Variants in SHMT1 observed in about 807,000 individuals in gnomAD.
The protein encoded by SHMT1 is serine hydroxymethyltransferase 1, also known as serine hydroxymethyltransferase, cytosolic.
A neutral mutation model predicts 49.0 loss-of-function variants in SHMT1; 45 were observed. That is an observed-to-expected ratio of 0.92 (90% CI 0.72 to 1.18). The LOEUF (loss-of-function observed/expected upper bound fraction) is 1.18, where lower values mean the gene tolerates loss of function less well. SHMT1 is among the 50% of genes most tolerant of loss of function. The pLI, the probability that SHMT1 is intolerant of heterozygous loss-of-function variation, is 0.00. For missense variants in SHMT1, 541 were observed against 612.4 expected, an observed-to-expected ratio of 0.88 and a Z score of 1.23; for synonymous variants, 232 against 246.6, an observed-to-expected ratio of 0.94 and a Z score of 0.55.
chr17:18,340,923 A>C lies in SHMT1; in HGVS notation c.520-110T>G. ...ACCATGACAAGAGGAATGATGTCCT[A>C]GATGAGGACTTGAGGGTGAGACAGG... On this transcript the variant is annotated intron_variant, in intron 5 of 11. Coordinates refer to ENST00000316694, the MANE Select transcript of SHMT1 (RefSeq NM_004169.5). The surrounding 1 kb of genome is among the most constrained non-coding windows in gnomAD (Gnocchi z 4.5). The C allele has an allele frequency of 1.3e-6, 1 of 793,654 alleles. No homozygotes were observed. 49.2% of individuals were successfully genotyped at this position (793,654 alleles called of 1,614,324 possible).
intron 5 of SHMT1, among the ~76,000 whole-genome samples, chr17:18,346,997 T>C (rs1307383734): frequency 6.6e-6 from 1 of 152,218 alleles, no homozygotes; most frequent in African/African-American, 2.4e-5. Context: ...AGCCCTAACG[T>C]GGCCATGGAG....
intron 7 of SHMT1, among the ~76,000 whole-genome samples, chr17:18,337,099 G>T (rs982320891): frequency 6.6e-6 from 1 of 152,168 alleles, no homozygotes; most frequent in South Asian, 2.1e-4. Context: ...AGAGCTTCTA[G>T]TGAGCCAAGA....
chr17:18,348,797 A>G, intron 3 of SHMT1: 1 of 501,966 alleles, frequency 2.0e-6, no homozygotes, highest in South Asian at 1.4e-5. Context: ...CAATACAGCA[A>G]TATCCCCATC....
Position 18,328,914 on chromosome 17 carries a change from C to G in SHMT1, c.1288G>C (p.Glu430Gln), listed in dbSNP as rs1345842841. The change falls in exon 12 of 12, where the codon GAG becomes CAG. Residue 430 changes from glutamate (E) to glutamine (Q), a missense_variant. Coordinates refer to ENST00000316694, the MANE Select transcript of SHMT1 (RefSeq NM_004169.5). ...TCGCTCTGGATCTGCAGGGTCAGCT[C>G]TATCCCTGTGCCACAAGACACAAAT... ...KVAHFIHRGIELTLQIQSDTG... is the reference protein window; with the variant it reads ...KVAHFIHRGIQLTLQIQSDTG... 2.1e-5 allele frequency: 34 copies of G among 1,613,744 alleles called. No homozygotes were observed. Among genetic ancestry groups the G allele is most frequent in the Non-Finnish European group, 2.8e-5 (33 of 1,179,970 alleles).
intron 1 of SHMT1, among the ~76,000 whole-genome samples, chr17:18,362,718 C>T (rs1326436680): frequency 6.6e-6 from 1 of 152,230 alleles, no homozygotes; most frequent in Non-Finnish European, 1.5e-5. Context: ...CTGACCTCAG[C>T]TGGACCAAGG....
At chr17:18,338,358 G>A (rs1209469344) in intron 7 of SHMT1, among the ~76,000 whole-genome samples, 1 of 151,484 alleles carries the variant, frequency 6.6e-6, no homozygotes, top group African/African-American at 2.4e-5. Context: ...CCGGCAGGTT[G>A]GGGGCAGCCC....
Position 18,348,457 on chromosome 17 carries a change from G to A in SHMT1, c.243-17C>T, listed in dbSNP as rs760794929. The A allele has an allele frequency of 3.8e-6, 6 of 1,570,406 alleles. No homozygotes were observed. The African/African-American group carries it at 8.1e-5, about 21-fold the overall frequency. The stretch of plus-strand genomic sequence containing the variant: ...CCATAGTATCTGTGGGAGAAGAGCA[G>A]GAGACTTAGATCCACTCAGACCCAG... On this transcript the variant is annotated splice_polypyrimidine_tract_variant and intron_variant, in intron 3 of 11. Coordinates refer to ENST00000316694, the MANE Select transcript of SHMT1 (RefSeq NM_004169.5).
intron 1 of SHMT1, among the ~76,000 whole-genome samples, chr17:18,361,280 C>T (rs1366028928): frequency 1.6e-5 from 2 of 128,976 alleles, no homozygotes; most frequent in Non-Finnish European, 3.1e-5. Flanking sequence ...GCCTGGACAA[C>T]AGAGCAAGAC....
At position 18,328,744 on chromosome 17, in the gene SHMT1, G is replaced by A. The variant is rs548525365; in HGVS notation, c.*6C>T. ...CGCCAGGTGGGTCCAGAGTGGGCCC[G>A]CTCCTTTAGAAGTCAGGCAGGCCAG... is the stretch of plus-strand genomic sequence containing the variant. On this transcript the variant is annotated 3_prime_UTR_variant, in exon 12 of 12. Transcript: ENST00000316694. The A allele has an allele frequency of 9.6e-6, 15 of 1,561,078 alleles. No individual in the cohort carries two copies. The highest frequency in any genetic ancestry group is 7.0e-5 in the South Asian group (6 of 85,884).
At position 18,340,378 on chromosome 17, in the gene SHMT1, A is replaced by G; in HGVS notation, c.602-123T>C. ...GAGATTTCTTCCCTTAAAGTCTCAG[A>G]GCAAAAATGGAGAATGCCCTCAAAA... is the stretch of plus-strand genomic sequence containing the variant. On this transcript the variant is annotated intron_variant, in intron 6 of 11. Transcript: ENST00000316694. This position sits in a 1 kb window ranked among gnomAD's most constrained non-coding sequence, Gnocchi z 4.5. 1 of 1,066,172 alleles carries G rather than the reference A, an allele frequency of 9.4e-7. No individual in the cohort carries two copies. The highest frequency in any genetic ancestry group is 1.4e-6 in the Non-Finnish European group (1 of 713,600). 66.0% of individuals were successfully genotyped at this position (1,066,172 alleles called of 1,614,324 possible).
chr17:18,354,095 C>G (rs1030323117), intron 2 of SHMT1, among the ~76,000 whole-genome samples: 10 of 151,878 alleles, frequency 6.6e-5, no homozygotes, highest in Non-Finnish European at 2.9e-5. Flanking sequence ...CCAGCCTGGC[C>G]AATATGGTGA....
chr17:18,341,822 C>A (rs886692464), intron 5 of SHMT1, among the ~76,000 whole-genome samples: 3 of 152,028 alleles, frequency 2.0e-5, no homozygotes, highest in African/African-American at 7.2e-5. Context: ...TAAGGCAGCA[C>A]GCATTCATGG....
intron 9 of SHMT1, 144 bp from the exon 10 acceptor site, chr17:18,330,815 A>G: frequency 1.4e-6 from 1 of 698,666 alleles, no homozygotes; most frequent in Non-Finnish European, 2.6e-6. Context: ...TGGGATTCTA[A>G]TCCCCACGAG....
At chr17:18,355,823 G>T in intron 2 of SHMT1, 63 bp downstream of exon 2, 1 of 991,330 alleles carries the variant, frequency 1.0e-6, no homozygotes, top group South Asian at 1.3e-5. Context: ...TTTGTAATTA[G>T]AACTAAAGAT....
Position 18,345,655 on chromosome 17 carries a change from G to A in SHMT1, c.519+1841C>T, listed in dbSNP as rs369739666. Among the ~76,000 whole-genome samples the A allele has an allele frequency of 2.5e-3, 380 of 151,704 alleles. 1 individual carries two copies. Among genetic ancestry groups the A allele is most frequent in the Non-Finnish European group, 4.2e-3 (286 of 67,934 alleles). On this transcript the variant is annotated intron_variant, in intron 5 of 11. Transcript: ENST00000316694. ...CTCCCAAAGTGCTGGGATTACAAGC[G>A]TGAGCAACTGCACCCTGCCTTTCTT...
chr17:18,359,817 C>T (rs1209428517), intron 1 of SHMT1, among the ~76,000 whole-genome samples: 2 of 151,732 alleles, frequency 1.3e-5, no homozygotes, highest in Non-Finnish European at 2.9e-5. Flanking sequence ...GTGGTGGCGC[C>T]CGCCTGTAAT....
At position 18,347,480 on chromosome 17, in the gene SHMT1, A is replaced by G; in HGVS notation, c.519+16T>C. On this transcript the variant is annotated intron_variant, in intron 5 of 11. Transcript: ENST00000316694. ...TTCCCAAGGAAATAAAAGCTAGGAG[A>G]GAAACACATGCTTACCTTGTAGGGC... 5.6e-6 allele frequency: 9 copies of G among 1,613,610 alleles called. No individual in the cohort carries two copies. The highest frequency in any genetic ancestry group is 7.6e-6 in the Non-Finnish European group (9 of 1,179,886).
intron 9 of SHMT1, chr17:18,332,578 C>G (rs186198221): frequency 5.6e-6 from 1 of 177,206 alleles, no homozygotes; most frequent in East Asian, 1.4e-4. Context: ...CAAAAAAATG[C>G]GTTCTCCGTG....
intron 7 of SHMT1, among the ~76,000 whole-genome samples, chr17:18,338,480 G>A (rs1984099776): frequency 6.9e-6 from 1 of 144,302 alleles, no homozygotes; most frequent in Non-Finnish European, 1.6e-5. Context: ...CTTCTGGGAA[G>A]TGAGGAGCCC....
Sources: allele counts gnomAD v4.1 joint callset (sites outside exome capture counted in the v4.1 genomes callset), GRCh38; gene constraint gnomAD v4.1.1; non-coding constraint Gnocchi (gnomAD v3.1); transcripts MANE v1.5; gene names NCBI Gene and HGNC (gene_info 2026-07-23, HGNC 2026-07-21).